ROCK1: variants seen among roughly 807,000 people sequenced by gnomAD.
ROCK1 encodes rho-associated protein kinase 1.
In ROCK1, 36 loss-of-function variants were observed where a neutral mutation model predicts 196.8. That is an observed-to-expected ratio of 0.18 (90% CI 0.14 to 0.24). The LOEUF (loss-of-function observed/expected upper bound fraction) is 0.24, where lower values mean the gene tolerates loss of function less well. Ranked by LOEUF, ROCK1 falls within the 10% of genes least tolerant of loss-of-function variation. The pLI is 1.00. For synonymous variants in ROCK1, 443 were observed against 515.9 expected (o/e 0.86, Z 1.91); for missense variants, 920 against 1,562.0 (o/e 0.59, Z 6.93).
Position 21,035,738 on chromosome 18 carries a change from C to T in ROCK1, c.1051+3734G>A, listed in dbSNP as rs1372285983. ...AATGGATAAACAAAATATAGTATATCCATACAATGGAATATTATGATACAT... is the reference window on the plus strand; with the variant it reads ...AATGGATAAACAAAATATAGTATATTCATACAATGGAATATTATGATACAT... On this transcript the variant is annotated intron_variant, in intron 9 of 32. Transcript: ENST00000399799. Among the ~76,000 whole-genome samples, 3 of 152,160 alleles carry T rather than the reference C, an allele frequency of 2.0e-5. No individual in the cohort carries two copies. The East Asian group carries it at 5.8e-4, about 29-fold the overall frequency.
intron 16 of ROCK1, among the ~76,000 whole-genome samples, chr18:20,993,867 A>G (rs1413093392): frequency 1.3e-5 from 2 of 152,206 alleles, no homozygotes; most frequent in African/African-American, 4.8e-5. Context: ...AATAAAAATT[A>G]TATTTTCATA....
intron 6 of ROCK1, among the ~76,000 whole-genome samples, chr18:21,043,596 A>ATAAT (rs1285339559): frequency 6.8e-6 from 1 of 147,758 alleles, no homozygotes; most frequent in Non-Finnish European, 1.5e-5. Flanking sequence ...ATACATATAC[A>ATAAT]TAATATGTAT....
intron 11 of ROCK1, among the ~76,000 whole-genome samples, chr18:21,020,598 T>C (rs1449357797): frequency 6.6e-6 from 1 of 151,918 alleles, no homozygotes; most frequent in Non-Finnish European, 1.5e-5. Flanking sequence ...ATCTACGGAG[T>C]GTTCCAAAGG....
intron 16 of ROCK1, among the ~76,000 whole-genome samples, chr18:20,998,962 A>G (rs1431075623): frequency 6.6e-6 from 1 of 152,142 alleles, no homozygotes; most frequent in Non-Finnish European, 1.5e-5. Flanking sequence ...ACTATTTCAA[A>G]GAATAGAGGA....
Position 21,045,026 on chromosome 18 carries a change from T to G in ROCK1, c.590+266A>C, listed in dbSNP as rs78294401. The G allele has an allele frequency of 2.4e-3, 332 of 136,556 alleles. 2 individuals carry two copies. Among genetic ancestry groups the G allele is most frequent in the African/African-American group, 0.022 (275 of 12,478 alleles). The allele number at this position is 136,556 out of a possible 1,614,324, so 8.5% of individuals were successfully genotyped here. A position where few individuals can be genotyped will look rare whatever the true frequency, so the allele number is the denominator to read the frequency against. ...CAGGTGCATGCCACCACACCTGTGT[T>G]TTTTTTTTTTTTTTTTGTAGAGATG... is the stretch of plus-strand genomic sequence containing the variant. On this transcript the variant is annotated intron_variant, in intron 5 of 32. Transcript: ENST00000399799.
intron 27 of ROCK1, among the ~76,000 whole-genome samples, chr18:20,966,338 A>T (rs2035374092): frequency 6.6e-6 from 1 of 152,192 alleles, no homozygotes; most frequent in African/African-American, 2.4e-5. Flanking sequence ...AAGACACAGA[A>T]AAAAGTCTCA....
At position 20,979,921 on chromosome 18, in the gene ROCK1, T is replaced by C. The variant is rs759471847; in HGVS notation, c.2643A>G (p.Leu881=). 3.9e-6 allele frequency: 6 copies of C among 1,537,190 alleles called. No homozygotes were observed. In the South Asian group the frequency reaches 6.2e-5, roughly 16 times the overall value. The change falls in exon 22 of 33, where the codon CTA becomes CTG. Residue 881 remains leucine, a synonymous_variant. Coordinates refer to ENST00000399799, the MANE Select transcript of ROCK1 (RefSeq NM_005406.3). ...NRENLKKIQE[L]QNEKETLATQ... ...TAAAATGGACATACTTTTCATTTTG[T>C]AGTTCCTGTATTTTCTTTAAATTTT...
Position 21,006,225 on chromosome 18 carries a change from T to C in ROCK1, c.1885+126A>G, listed in dbSNP as rs1406699571. Reference sequence around the variant, plus strand: ...GACAAACACTGTATGATTCCACTTATATGATGATGGTTGCATACATTGTGA... The same window carrying C: ...GACAAACACTGTATGATTCCACTTACATGATGATGGTTGCATACATTGTGA... On this transcript the variant is annotated intron_variant, in intron 16 of 32. Coordinates refer to ENST00000399799, the MANE Select transcript of ROCK1 (RefSeq NM_005406.3). 1.3e-5 allele frequency: 9 copies of C among 715,892 alleles called. No homozygotes were observed. The East Asian group carries it at 2.4e-4, about 19-fold the overall frequency. The allele number at this position is 715,892 out of a possible 1,614,324, so 44.3% of individuals were successfully genotyped here.
chr18:21,045,792 ACTGTATTT>A (rs1222881536), intron 4 of ROCK1, among the ~76,000 whole-genome samples: 1 of 151,846 alleles, frequency 6.6e-6, no homozygotes, highest in Non-Finnish European at 1.5e-5. Context: ...GCAAAGAAAT[ACTGTATTT>A]CTAATTTAAC....
intron 4 of ROCK1, among the ~76,000 whole-genome samples, chr18:21,045,913 T>C (rs1483538475): frequency 4.5e-5 from 6 of 133,080 alleles, no homozygotes; most frequent in African/African-American, 1.4e-4. Context: ...TTTTTTTTTT[T>C]TTTTTTTTTT....
intron 1 of ROCK1, among the ~76,000 whole-genome samples, chr18:21,109,788 T>A (rs1300287985): frequency 6.6e-6 from 1 of 152,222 alleles, no homozygotes; most frequent in Non-Finnish European, 1.5e-5. Flanking sequence ...TGATTCAAGA[T>A]GCGATTTTTG....
chr18:21,061,776 A>T (rs1212039897), intron 2 of ROCK1, among the ~76,000 whole-genome samples: 1 of 152,212 alleles, frequency 6.6e-6, no homozygotes, highest in Non-Finnish European at 1.5e-5. Flanking sequence ...AAGGCTAAAG[A>T]CAAAAAAGGA....
At chr18:21,002,885 T>C (rs1371302339) in intron 16 of ROCK1, among the ~76,000 whole-genome samples, 2 of 152,014 alleles carry the variant, frequency 1.3e-5, no homozygotes, top group East Asian at 3.9e-4. Flanking sequence ...GGACTACAGG[T>C]GCATGCCACC....
intron 1 of ROCK1, among the ~76,000 whole-genome samples, chr18:21,084,376 A>G (rs1005516743): frequency 3.9e-5 from 6 of 152,178 alleles, no homozygotes; most frequent in Admixed American, 3.9e-4. Context: ...AATATATCTG[A>G]TAAGAGATTA....
intron 12 of ROCK1, among the ~76,000 whole-genome samples, chr18:21,018,031 T>C (rs934148421): frequency 6.6e-6 from 1 of 151,706 alleles, no homozygotes; most frequent in African/African-American, 2.4e-5. Context: ...TAAATATCAC[T>C]CCACAATCCC....
rs1384835374 is a variant in ROCK1, at chr18:20,969,221, C to A, written c.2821-13G>T. 2 of 1,549,452 alleles carry A rather than the reference C, an allele frequency of 1.3e-6. No individual in the cohort carries two copies. Among genetic ancestry groups the A allele is most frequent in the African/African-American group, 2.7e-5 (2 of 73,734 alleles). ...TTGCTTCTTCAAGCTAAACAAAGCACACAAAAGTTTAAGCTCCAGCCTCTT... is the reference window on the plus strand; with the variant it reads ...TTGCTTCTTCAAGCTAAACAAAGCAAACAAAAGTTTAAGCTCCAGCCTCTT... On this transcript the variant is annotated splice_polypyrimidine_tract_variant and intron_variant, in intron 23 of 32. Coordinates refer to ENST00000399799, the MANE Select transcript of ROCK1 (RefSeq NM_005406.3).
At chr18:21,009,090 C>T (rs754551415) in intron 13 of ROCK1, among the ~76,000 whole-genome samples, 1 of 151,380 alleles carries the variant, frequency 6.6e-6, no homozygotes, top group East Asian at 1.9e-4. Context: ...ACTAATGGTT[C>T]TCCATTTCTA....
At chr18:20,970,847 T>A (rs2035419186) in intron 22 of ROCK1, among the ~76,000 whole-genome samples, 1 of 152,192 alleles carries the variant, frequency 6.6e-6, no homozygotes. Context: ...GTCATTGACT[T>A]GTTAATCAGC....
chr18:21,026,965 G>A (rs1889470139), intron 10 of ROCK1, among the ~76,000 whole-genome samples: 1 of 145,100 alleles, frequency 6.9e-6, no homozygotes, highest in African/African-American at 2.6e-5. Flanking sequence ...TTGAGACAGA[G>A]TCTCGCTCCA....
Sources: allele counts gnomAD v4.1 joint callset (sites outside exome capture counted in the v4.1 genomes callset), GRCh38; gene constraint gnomAD v4.1.1; transcripts MANE v1.5; gene names NCBI Gene and HGNC (gene_info 2026-07-23, HGNC 2026-07-21).